PPP4R3B: variants seen among roughly 807,000 people sequenced by gnomAD.
PPP4R3B encodes the protein serine/threonine-protein phosphatase 4 regulatory subunit 3B.
Under a neutral mutation model 95.4 loss-of-function variants are expected in PPP4R3B, and 52 were observed. The ratio of observed to expected loss-of-function variants is 0.54; its 90% CI spans 0.44 to 0.69. The LOEUF (loss-of-function observed/expected upper bound fraction) is 0.69. Among genes scored for constraint, PPP4R3B ranks in the 30% least tolerant of loss-of-function variants. The pLI is 0.00. For synonymous variants in PPP4R3B, 407 were observed against 343.9 expected (o/e 1.18, Z -2.03); for missense variants, 1,003 against 1,005.9 (o/e 1.00, Z 0.04).
intron 3 of PPP4R3B, 37 bp downstream of exon 3, chr2:55,603,941 G>C: frequency 6.9e-7 from 1 of 1,442,728 alleles, no homozygotes; most frequent in Non-Finnish European, 9.5e-7. Context: ...CAGAAAAGAA[G>C]CAAACATTAA....
At chr2:55,579,654 C>T (rs772888161) in intron 9 of PPP4R3B, 25 bp downstream of exon 9, 1 of 1,438,704 alleles carries the variant, frequency 7.0e-7, no homozygotes, top group South Asian at 1.4e-5. Flanking sequence ...ACAGAAATCA[C>T]AGCAGATAAA....
chr2:55,578,160 C>T lies in PPP4R3B; in HGVS notation c.1564+87G>A, dbSNP rs1222086592. The stretch of plus-strand genomic sequence containing the variant: ...ATGACAGACATTAAATTTATAGCAA[C>T]TTTGAAAACAAGAAAAATAATACCG... On this transcript the variant is annotated intron_variant, in intron 10 of 16. Transcript: ENST00000616407. 2.5e-6 allele frequency: 3 copies of T among 1,217,218 alleles called. No individual in the cohort carries two copies. In the East Asian group the frequency reaches 9.5e-5, roughly 39 times the overall value. 75.4% of individuals were successfully genotyped at this position (1,217,218 alleles called of 1,614,324 possible). A position where few individuals can be genotyped will look rare whatever the true frequency, so the allele number is the denominator to read the frequency against.
At chr2:55,605,904 C>CAAAAA (rs35675375) in intron 2 of PPP4R3B, among the ~76,000 whole-genome samples, 18 of 86,392 alleles carry the variant, frequency 2.1e-4, no homozygotes, top group Non-Finnish European at 3.5e-4. Flanking sequence ...GACTCCGTCT[C>CAAAAA]AAAAAAAAAA....
In PPP4R3B at chr2:55,615,250, G is replaced by C. The variant is rs182705335; in HGVS notation, c.198+201C>G. On this transcript the variant is annotated intron_variant, in intron 2 of 16. Transcript: ENST00000616407. The stretch of plus-strand genomic sequence containing the variant: ...TACATCTTAGAATAAACCGACAGTG[G>C]CTCAATCCAAAAATGATAATTATCA... 14 of 527,024 alleles carry C rather than the reference G, an allele frequency of 2.7e-5. 1 individual carries two copies. Among genetic ancestry groups the C allele is most frequent in the African/African-American group, 2.0e-4 (10 of 50,938 alleles). 32.6% of individuals were successfully genotyped at this position (527,024 alleles called of 1,614,324 possible).
chr2:55,585,262 C>T, intron 6 of PPP4R3B, 95 bp from the exon 7 acceptor site: 1 of 804,882 alleles, frequency 1.2e-6, no homozygotes, highest in Non-Finnish European at 1.9e-6. Flanking sequence ...TAGCTCTCAA[C>T]TTTTTGGATT....
intron 15 of PPP4R3B, among the ~76,000 whole-genome samples, chr2:55,563,540 T>C (rs1367103664): frequency 6.6e-6 from 1 of 152,086 alleles, no homozygotes; most frequent in East Asian, 1.9e-4. Flanking sequence ...GCCCATTTAA[T>C]TTTTGTGTTT....
At chr2:55,611,215 G>C (rs1227744756) in intron 2 of PPP4R3B, among the ~76,000 whole-genome samples, 1 of 151,976 alleles carries the variant, frequency 6.6e-6, no homozygotes, top group South Asian at 2.1e-4. Context: ...CAATGGCTAC[G>C]CACAGGCACA....
chr2:55,573,536 C>T (rs1688270781), intron 12 of PPP4R3B, 83 bp downstream of exon 12: 1 of 1,228,706 alleles, frequency 8.1e-7, no homozygotes, highest in Non-Finnish European at 1.1e-6. Flanking sequence ...ATAGAATATA[C>T]ACTGCTAATA....
At chr2:55,562,102 C>A (rs1419700445) in intron 15 of PPP4R3B, among the ~76,000 whole-genome samples, 1 of 152,118 alleles carries the variant, frequency 6.6e-6, no homozygotes, top group Non-Finnish European at 1.5e-5. Flanking sequence ...ATAGTGAGTT[C>A]TCACGAGATC....
At chr2:55,584,468 C>A (rs1017236057) in intron 7 of PPP4R3B, among the ~76,000 whole-genome samples, 1 of 152,118 alleles carries the variant, frequency 6.6e-6, no homozygotes, top group Non-Finnish European at 1.5e-5. Flanking sequence ...ACACTGCACC[C>A]TATTTGTAGT....
rs559344569 is a variant in PPP4R3B at position 55,549,088 on chromosome 2, G to A, written c.*823C>T. 2 of 152,274 alleles carry A rather than the reference G, an allele frequency of 1.3e-5. No individual in the cohort carries two copies. Among genetic ancestry groups the A allele is most frequent in the African/African-American group, 4.8e-5 (2 of 41,466 alleles). 9.4% of individuals were successfully genotyped at this position (152,274 alleles called of 1,614,324 possible). A position where few individuals can be genotyped will look rare whatever the true frequency, so the allele number is the denominator to read the frequency against. On this transcript the variant is annotated 3_prime_UTR_variant, in exon 17 of 17. Transcript: ENST00000616407. ...AAGACAGAACTTTACTAACAAAGTA[G>A]AAAGTGATTTCAAAGTATCTTCCAC...
rs753640987 is a variant in PPP4R3B, at chr2:55,578,295, G to C, written c.1516C>G (p.Pro506Ala). Residue 506 changes from proline to alanine, a missense_variant, in exon 10 of 17, where the codon CCT (proline) becomes GCT (alanine). Transcript: ENST00000616407. ...YRYSWSFICTPSHSHSHSTPS... is the reference protein window; with the variant it reads ...YRYSWSFICTASHSHSHSTPS... ...GTAGAATGGGAATGGGAATGTGAAG[G>C]GGTACATATGAAACTCCAACTATAT... 2 of 1,475,402 alleles carry C rather than the reference G, an allele frequency of 1.4e-6. No individual in the cohort carries two copies. Among genetic ancestry groups the C allele is most frequent in the African/African-American group, 1.4e-5 (1 of 69,882 alleles). 91.4% of individuals were successfully genotyped at this position (1,475,402 alleles called of 1,614,324 possible).
intron 11 of PPP4R3B, among the ~76,000 whole-genome samples, chr2:55,574,191 C>A (rs1198766377): frequency 4.0e-5 from 6 of 151,690 alleles, no homozygotes; most frequent in Non-Finnish European, 8.8e-5. Flanking sequence ...CTGCACCTGG[C>A]CTATTTCCTC....
At chr2:55,592,561 T>A (rs1691185464) in intron 4 of PPP4R3B, among the ~76,000 whole-genome samples, 2 of 152,168 alleles carry the variant, frequency 1.3e-5, no homozygotes, top group Admixed American at 6.5e-5. Flanking sequence ...ACATACTTAA[T>A]CTGTAACTGG....
chr2:55,600,150 G>T (rs1215313748), intron 3 of PPP4R3B, among the ~76,000 whole-genome samples: 1 of 152,166 alleles, frequency 6.6e-6, no homozygotes, highest in Non-Finnish European at 1.5e-5. Flanking sequence ...CTCATTATAA[G>T]GGGTGGCGGC....
Position 55,557,577 on chromosome 2 carries a change from T to C in PPP4R3B, c.2454+1198A>G, listed in dbSNP as rs192927450. Among the ~76,000 whole-genome samples, 17 of 152,330 alleles carry C rather than the reference T, an allele frequency of 1.1e-4. No individual in the cohort carries two copies. The East Asian group carries it at 2.7e-3, about 24-fold the overall frequency. ...TTTTCCAGTTGAAAAACATAAAATATGTTTCAAATACCGAATACCATGAAA... is the reference window on the plus strand; with the variant it reads ...TTTTCCAGTTGAAAAACATAAAATACGTTTCAAATACCGAATACCATGAAA... On this transcript the variant is annotated intron_variant, in intron 16 of 16. Transcript: ENST00000616407.
At position 55,598,400 on chromosome 2, in the gene PPP4R3B, G is replaced by A. The variant is rs1293543039; in HGVS notation, c.921+16C>T. 2 of 1,608,054 alleles carry A rather than the reference G, an allele frequency of 1.2e-6. No individual in the cohort carries two copies. The highest frequency in any genetic ancestry group is 1.7e-6 in the Non-Finnish European group (2 of 1,177,422). On this transcript the variant is annotated intron_variant, in intron 4 of 16. Transcript: ENST00000616407. ...TATCTGAAAAATGGAATCGTGAAGAGTATCTTTTTACTTACCTGCAACATG... is the reference window on the plus strand; with the variant it reads ...TATCTGAAAAATGGAATCGTGAAGAATATCTTTTTACTTACCTGCAACATG...
intron 6 of PPP4R3B, among the ~76,000 whole-genome samples, chr2:55,585,374 C>T (rs972392158): frequency 6.6e-6 from 1 of 152,084 alleles, no homozygotes; most frequent in Non-Finnish European, 1.5e-5. Context: ...TTAGTTTCTG[C>T]TGATTTTTAC....
chr2:55,577,200 G>T, intron 11 of PPP4R3B, 115 bp downstream of exon 11: 1 of 1,281,604 alleles, frequency 7.8e-7, no homozygotes, highest in South Asian at 1.8e-5. Flanking sequence ...TTTCTTCTTG[G>T]ATTTTGTTTT....
Sources: allele counts gnomAD v4.1 joint callset (sites outside exome capture counted in the v4.1 genomes callset), GRCh38; gene constraint gnomAD v4.1.1; transcripts MANE v1.5; gene names NCBI Gene and HGNC (gene_info 2026-07-23, HGNC 2026-07-21).